The following ALDH1A2 variants were observed in gnomAD, a reference collection of about 807,000 sequenced individuals.
ALDH1A2 encodes aldehyde dehydrogenase 1 family member A2, also known as retinal dehydrogenase 2.
In ALDH1A2, 27 loss-of-function variants were observed where a neutral mutation model predicts 60.3. The observed-to-expected ratio is 0.45, with a 90% CI of 0.33 to 0.62. The LOEUF is 0.62. Among genes scored for constraint, ALDH1A2 ranks in the 20% least tolerant of loss-of-function variants. The pLI, the probability that ALDH1A2 is intolerant of heterozygous loss-of-function variation, is 0.02. For synonymous variants in ALDH1A2, 289 were observed against 232.4 expected, an observed-to-expected ratio of 1.24 and a Z score of -2.21; for missense variants, 581 against 643.8, an observed-to-expected ratio of 0.90 and a Z score of 1.06.
At chr15:57,988,397 A>AG (rs1470521410) in intron 7 of ALDH1A2, among the ~76,000 whole-genome samples, 2 of 152,254 alleles carry the variant, frequency 1.3e-5, no homozygotes, top group Admixed American at 6.5e-5. Flanking sequence ...GCAGACAAAG[A>AG]GGGAAAATAT....
At chr15:58,017,766 T>G (rs1198662686) in intron 1 of ALDH1A2, among the ~76,000 whole-genome samples, 1 of 152,148 alleles carries the variant, frequency 6.6e-6, no homozygotes, top group Non-Finnish European at 1.5e-5. Context: ...TTTTGCTGTT[T>G]TTTTTACCAT....
At chr15:58,032,948 C>T (rs1351424954) in intron 1 of ALDH1A2, among the ~76,000 whole-genome samples, 1 of 151,896 alleles carries the variant, frequency 6.6e-6, no homozygotes, top group Non-Finnish European at 1.5e-5. Flanking sequence ...TGCATGTTCT[C>T]ATATGTGGGA....
rs79695964 is a variant in ALDH1A2 at position 57,986,184 on chromosome 15, C to T, written c.798+6521G>A. Among the ~76,000 whole-genome samples, 127 of 152,226 alleles carry T rather than the reference C, an allele frequency of 8.3e-4. 2 individuals carry two copies. In the East Asian group the frequency reaches 0.023, roughly 28 times the overall value. ...AGTATATGAAATTGTTTTATTCAAA[C>T]ATTGGATATCAGGCAGTATGGGACT... On this transcript the variant is annotated intron_variant, in intron 7 of 12. Coordinates refer to ENST00000249750, the MANE Select transcript of ALDH1A2 (RefSeq NM_003888.4).
intron 7 of ALDH1A2, among the ~76,000 whole-genome samples, chr15:57,966,958 T>C (rs535189018): frequency 3.3e-5 from 5 of 152,346 alleles, no homozygotes; most frequent in South Asian, 2.1e-4. Flanking sequence ...ATATAGTCCA[T>C]AGAGGCAATT....
intron 1 of ALDH1A2, among the ~76,000 whole-genome samples, chr15:58,042,654 G>A (rs1896548326): frequency 6.6e-6 from 1 of 151,744 alleles, no homozygotes; most frequent in Non-Finnish European, 1.5e-5. Flanking sequence ...TATATTGTAG[G>A]CTTCCTACAT....
chr15:57,968,894 C>T (rs1056149996), intron 7 of ALDH1A2, among the ~76,000 whole-genome samples: 4 of 152,172 alleles, frequency 2.6e-5, no homozygotes, highest in African/African-American at 9.7e-5. Context: ...AAGTTTCAGT[C>T]TATGATCATC....
At chr15:57,984,169 A>G (rs1894617663) in intron 7 of ALDH1A2, among the ~76,000 whole-genome samples, 1 of 152,166 alleles carries the variant, frequency 6.6e-6, no homozygotes, top group African/African-American at 2.4e-5. Flanking sequence ...CAGCCCTACA[A>G]CTAACTAGCA....
At chr15:58,019,466 A>T (rs1895867117) in intron 1 of ALDH1A2, among the ~76,000 whole-genome samples, 1 of 152,226 alleles carries the variant, frequency 6.6e-6, no homozygotes, top group African/African-American at 2.4e-5. Context: ...GAGGTCTTTG[A>T]AAGTAGAAAG....
At chr15:58,019,053 T>C (rs1196902309) in intron 1 of ALDH1A2, among the ~76,000 whole-genome samples, 1 of 152,194 alleles carries the variant, frequency 6.6e-6, no homozygotes, top group Non-Finnish European at 1.5e-5. Flanking sequence ...CTTTTATAAT[T>C]GTAAGATCAT....
chr15:58,042,403 T>C (rs1896539013), intron 1 of ALDH1A2, among the ~76,000 whole-genome samples: 1 of 152,002 alleles, frequency 6.6e-6, no homozygotes, highest in African/African-American at 2.4e-5. Flanking sequence ...ATCTTTACTT[T>C]TGTATAACCA....
At chr15:58,040,222 C>T (rs1313547541) in intron 1 of ALDH1A2, among the ~76,000 whole-genome samples, 1 of 151,872 alleles carries the variant, frequency 6.6e-6, no homozygotes, top group Non-Finnish European at 1.5e-5. Context: ...GACGAAGTGG[C>T]CTTCATCAAA....
chr15:58,031,439 C>T (rs1444653106), intron 1 of ALDH1A2, among the ~76,000 whole-genome samples: 1 of 152,150 alleles, frequency 6.6e-6, no homozygotes, highest in East Asian at 1.9e-4. Flanking sequence ...CAATACCATT[C>T]AGGACATAGG....
At chr15:58,014,385 A>G in intron 1 of ALDH1A2, 104 bp from the exon 2 acceptor site, 1 of 885,110 alleles carries the variant, frequency 1.1e-6, no homozygotes, top group Admixed American at 1.8e-5. Context: ...TTGTTGTATA[A>G]TAAAAGTATA....
In ALDH1A2 at chr15:57,995,153, G is replaced by A; in HGVS notation, c.494-14C>T. ...AATAGTCTCCATCTGAAAGAAAAAA[G>A]CATGGTCACTCCCAGAAAGTTTAGA... On this transcript the variant is annotated splice_polypyrimidine_tract_variant and intron_variant, in intron 4 of 12. Transcript: ENST00000249750. The A allele has an allele frequency of 1.3e-6, 2 of 1,538,610 alleles. No individual in the cohort carries two copies. Among genetic ancestry groups the A allele is most frequent in the Non-Finnish European group, 1.8e-6 (2 of 1,138,920 alleles).
intron 7 of ALDH1A2, among the ~76,000 whole-genome samples, chr15:57,978,574 G>A (rs867465161): frequency 1.3e-5 from 2 of 152,026 alleles, no homozygotes; most frequent in Non-Finnish European, 2.9e-5. Context: ...TTTCCTTACA[G>A]ACAGAGGTTT....
At chr15:57,977,903 G>A (rs1243971172) in intron 7 of ALDH1A2, among the ~76,000 whole-genome samples, 5 of 152,132 alleles carry the variant, frequency 3.3e-5, no homozygotes, top group African/African-American at 7.2e-5. Context: ...TCCTTGAAGA[G>A]GTCCTTCCAA....
chr15:57,976,263 G>A (rs957117678), intron 7 of ALDH1A2, among the ~76,000 whole-genome samples: 16 of 152,130 alleles, frequency 1.1e-4, no homozygotes, highest in African/African-American at 3.1e-4. Flanking sequence ...TCCTTAATAG[G>A]TACCAGGCAT....
At chr15:57,979,969 G>A (rs564396445) in intron 7 of ALDH1A2, 171 of 349,416 alleles carry the variant, frequency 4.9e-4, no homozygotes, top group African/African-American at 2.8e-3. Context: ...GTGCTGCCGC[G>A]TCCCAGGAGC....
intron 1 of ALDH1A2, among the ~76,000 whole-genome samples, chr15:58,032,105 C>T (rs1595679007): frequency 6.6e-6 from 1 of 152,042 alleles, no homozygotes; most frequent in East Asian, 1.9e-4. Context: ...GGAACCAACC[C>T]AAATGTCCAA....
Sources: allele counts gnomAD v4.1 joint callset (sites outside exome capture counted in the v4.1 genomes callset), GRCh38; gene constraint gnomAD v4.1.1; transcripts MANE v1.5; gene names NCBI Gene and HGNC (gene_info 2026-07-23, HGNC 2026-07-21).